The following MEG3 variants were observed in gnomAD, a reference collection of about 807,000 sequenced individuals.
MEG3 encodes the protein maternally expressed 3, also known as Very putative protein from MEG3 locus.
chr14:100,836,316 T>A (rs2037578599), intron 2 of MEG3: 1 of 455,912 alleles, frequency 2.2e-6, no homozygotes, highest in African/African-American at 2.0e-5. Context: ...TTTCTTGCTT[T>A]CTTGAGACCC....
rs2037894053 is a variant in MEG3, at chr14:100,845,529, AAATCGT to A, written n.3120_3121+4del. On this transcript the variant is annotated splice_donor_variant and non_coding_transcript_exon_variant, in exon 3 of 4. Transcript: ENST00000398461. This position sits in a 1 kb window ranked among gnomAD's most constrained non-coding sequence, Gnocchi z 5.2. ...GGGACCCCAGCCCCTCTCCAGCTCG[AAATCGT>A]AAGTGGCTGGAGTGTAAAGAACACA... is the stretch of plus-strand genomic sequence containing the variant. 2.2e-6 allele frequency: 1 copy of A among 456,568 alleles called. No homozygotes were observed. Among genetic ancestry groups the A allele is most frequent in the African/African-American group, 2.0e-5 (1 of 50,080 alleles). The allele number at this position is 456,568 out of a possible 1,614,324, so 28.3% of individuals were successfully genotyped here. A position where few individuals can be genotyped will look rare whatever the true frequency, so the allele number is the denominator to read the frequency against.
At chr14:100,839,590 G>C (rs1000241174) in intron 2 of MEG3, among the ~76,000 whole-genome samples, 2 of 152,208 alleles carry the variant, frequency 1.3e-5, no homozygotes, top group Non-Finnish European at 2.9e-5. Flanking sequence ...GTTCTTGGGG[G>C]AGTCTAAGGA....
chr14:100,836,771 C>G (rs1595270271), intron 2 of MEG3, among the ~76,000 whole-genome samples: 1 of 152,218 alleles, frequency 6.6e-6, no homozygotes, highest in Admixed American at 6.5e-5. Context: ...TAGCGTCACC[C>G]CCTGTGAGAA....
chr14:100,849,479 G>A (rs1473644025), intron 3 of MEG3: 1 of 152,190 alleles, frequency 6.6e-6, no homozygotes, highest in African/African-American at 2.4e-5. Context: ...AGCCAGGAAG[G>A]AGCTGCCCAT....
chr14:100,845,730 C>A lies in MEG3; in HGVS notation n.3121+197C>A. On this transcript the variant is annotated intron_variant and non_coding_transcript_variant, in intron 3 of 3. Coordinates refer to the MEG3 transcript ENST00000398461. This position sits in a 1 kb window ranked among gnomAD's most constrained non-coding sequence, Gnocchi z 5.2. ...GGCTCCTGTTTTCTAAGACAGGAGC[C>A]CCCTGCCTCCTTGTGTTGTCTCTGT... 1 of 229,076 alleles carries A rather than the reference C, an allele frequency of 4.4e-6. No homozygotes were observed. The highest frequency in any genetic ancestry group is 9.0e-6 in the Non-Finnish European group (1 of 111,248). The allele number at this position is 229,076 out of a possible 1,614,324, so 14.2% of individuals were successfully genotyped here.
intron 2 of MEG3, among the ~76,000 whole-genome samples, chr14:100,840,337 T>A (rs919308818): frequency 2.0e-5 from 3 of 152,130 alleles, no homozygotes; most frequent in African/African-American, 7.2e-5. Context: ...ACTCTTAGCC[T>A]GGGAGCTCCC....
chr14:100,831,704 A>G (rs1276409689), downstream of MEG3: 3 of 152,144 alleles, frequency 2.0e-5, no homozygotes, highest in Non-Finnish European at 4.4e-5. Flanking sequence ...AGCATCCCCT[A>G]GGAACTTGCA....
upstream of MEG3, chr14:100,857,074 C>T (rs1419941713): frequency 6.6e-6 from 1 of 152,106 alleles, no homozygotes; most frequent in African/African-American, 2.4e-5. Context: ...CAATGACAAG[C>T]CTTGATGTTT....
upstream of MEG3, chr14:100,855,094 G>T (rs2038198652): frequency 6.6e-6 from 1 of 152,608 alleles, no homozygotes; most frequent in Non-Finnish European, 1.5e-5. Context: ...AGCTGCTTCT[G>T]CCCACCCATC....
At chr14:100,841,398 C>T (rs2037754802) in intron 2 of MEG3, among the ~76,000 whole-genome samples, 1 of 152,254 alleles carries the variant, frequency 6.6e-6, no homozygotes, top group African/African-American at 2.4e-5. Context: ...GGCCCATGGT[C>T]GTCCGAGTGG....
chr14:100,841,465 T>C lies in MEG3; in HGVS notation n.3046-3993T>C, dbSNP rs34856070. 7.5e-3 allele frequency among the ~76,000 whole-genome samples: 1,147 copies of C among 152,324 alleles called. 13 individuals carry two copies. Among genetic ancestry groups the C allele is most frequent in the African/African-American group, 0.026 (1,091 of 41,556 alleles). ...ATCTGTCGTTTGTTTGCTGGGTCTT[T>C]GGAGTTGTTGGGACTTTGGGGGTCA... On this transcript the variant is annotated intron_variant and non_coding_transcript_variant, in intron 2 of 3. Transcript: ENST00000398461.
At chr14:100,830,385 C>CCCA (rs2037365868), downstream of MEG3, 1 of 139,210 alleles carries the variant, frequency 7.2e-6, no homozygotes, top group African/African-American at 2.7e-5. Flanking sequence ...ACACACACAC[C>CCCA]CCCTCGTGTA....
intron 1 of MEG3, chr14:100,826,123 C>G (rs1018642971): frequency 3.9e-5 from 6 of 152,254 alleles, no homozygotes; most frequent in African/African-American, 9.6e-5. Flanking sequence ...CTAGCGCAGA[C>G]GGCGGAGAGC....
At position 100,837,024 on chromosome 14, in the gene MEG3, C is replaced by T. The variant is rs8019930; in HGVS notation, n.3045+724C>T. Among the ~76,000 whole-genome samples the T allele has an allele frequency of 0.29, 43,582 of 152,126 alleles. 7,171 individuals carry two copies. Among genetic ancestry groups the T allele is most frequent in the Non-Finnish European group, 0.36 (24,761 of 67,970 alleles). ...ACTAATTCAAGATGCAGCCGGGAGCCGTCCAGGGCTCGGGCCTGGGGTTGT... is the reference window on the plus strand; with the variant it reads ...ACTAATTCAAGATGCAGCCGGGAGCTGTCCAGGGCTCGGGCCTGGGGTTGT... On this transcript the variant is annotated intron_variant and non_coding_transcript_variant, in intron 2 of 3. Coordinates refer to the MEG3 transcript ENST00000398461. This position sits in a 1 kb window ranked among gnomAD's most constrained non-coding sequence, Gnocchi z 5.8.
At chr14:100,827,900 T>G (rs1278682978) in intron 1 of MEG3, among the ~76,000 whole-genome samples, 1 of 152,192 alleles carries the variant, frequency 6.6e-6, no homozygotes, top group East Asian at 1.9e-4. Context: ...TGCTTTTCCC[T>G]GTAGCAGGCG....
chr14:100,852,471 C>G (rs1427684808), upstream of MEG3: 1 of 526,626 alleles, frequency 1.9e-6, no homozygotes. Context: ...GTGCTGGGGC[C>G]TCAGGGGTCT....
At chr14:100,854,542 C>T (rs572336819), upstream of MEG3, 65 of 152,392 alleles carry the variant, frequency 4.3e-4, no homozygotes, top group African/African-American at 1.5e-3. Context: ...AAAAAGACAC[C>T]TTCCATTGGC....
chr14:100,843,275 G>A (rs934481866), intron 2 of MEG3, among the ~76,000 whole-genome samples: 1 of 152,172 alleles, frequency 6.6e-6, no homozygotes, highest in African/African-American at 2.4e-5. Flanking sequence ...CAAAGCACCC[G>A]CCTCTGATTC....
At chr14:100,844,318 T>G (rs2037848922) in intron 2 of MEG3, among the ~76,000 whole-genome samples, 1 of 152,198 alleles carries the variant, frequency 6.6e-6, no homozygotes, top group South Asian at 2.1e-4. Context: ...GGCCCTGTCC[T>G]CCTGGCCCAG....
Sources: gnomAD v4.1 joint callset for allele counts (sites outside exome capture counted in the v4.1 genomes callset) on GRCh38, gnomAD v4.1.1 for gene constraint, Gnocchi (gnomAD v3.1) non-coding constraint, MANE v1.5 for transcripts, NCBI Gene and HGNC (gene_info 2026-07-23, HGNC 2026-07-21) for gene names.